Variants in BACE1 observed in about 807,000 individuals in gnomAD.
BACE1 encodes APP beta-secretase.
BACE1 carries 21 observed loss-of-function variants against 54.0 expected under a neutral mutation model. That is an observed-to-expected ratio of 0.39 (90% CI 0.28 to 0.56). The LOEUF (loss-of-function observed/expected upper bound fraction) is 0.56. Ranked by LOEUF, BACE1 falls within the 20% of genes least tolerant of loss-of-function variation. The probability of loss-of-function intolerance (pLI) is 0.63; values close to 1 mark genes in which losing one functional copy is unlikely to be tolerated. For missense variants in BACE1, 511 were observed against 661.2 expected (o/e 0.77, Z 2.49); for synonymous variants, 232 against 260.9 (o/e 0.89, Z 1.07).
At chr11:117,313,229 C>T (rs76462621) in intron 1 of BACE1, among the ~76,000 whole-genome samples, 1 of 152,160 alleles carries the variant, frequency 6.6e-6, no homozygotes, top group African/African-American at 2.4e-5. Context: ...TAGTGCAAGC[C>T]ACACAGTTGC....
chr11:117,304,510 C>T (rs1312873919), intron 1 of BACE1, among the ~76,000 whole-genome samples: 1 of 152,230 alleles, frequency 6.6e-6, no homozygotes, highest in African/African-American at 2.4e-5. Flanking sequence ...AGGCACCAAC[C>T]ATAGGTCAAC....
rs1382937294 is a variant in BACE1, at chr11:117,315,994, G to A, written c.-199C>T. The A allele has an allele frequency of 2.2e-6, 1 of 454,632 alleles. No homozygotes were observed. The highest frequency in any genetic ancestry group is 3.6e-6 in the Non-Finnish European group (1 of 274,408). The allele number at this position is 454,632 out of a possible 1,614,324, so 28.2% of individuals were successfully genotyped here. ...CGGTCAGGGGAGATCCGCAGAGCACGGGAGCAGGGGAGAGGCTGGGATCCG... is the reference window on the plus strand; with the variant it reads ...CGGTCAGGGGAGATCCGCAGAGCACAGGAGCAGGGGAGAGGCTGGGATCCG... On this transcript the variant is annotated 5_prime_UTR_variant, in exon 1 of 9. Coordinates refer to ENST00000313005, the MANE Select transcript of BACE1 (RefSeq NM_012104.6). This position sits in a 1 kb window ranked among gnomAD's most constrained non-coding sequence, Gnocchi z 5.5.
intron 5 of BACE1, 57 bp from the exon 6 acceptor site, chr11:117,291,870 G>T: frequency 3.0e-6 from 4 of 1,341,718 alleles, no homozygotes; most frequent in South Asian, 1.2e-5. Context: ...CTGGGCTCTG[G>T]GCAGTAGGGG....
intron 1 of BACE1, among the ~76,000 whole-genome samples, chr11:117,313,118 G>A (rs1015716432): frequency 2.0e-5 from 3 of 152,170 alleles, no homozygotes; most frequent in East Asian, 1.9e-4. Context: ...CAACAGCCGC[G>A]CCAGGTAGGA....
At chr11:117,314,929 C>G (rs935943317) in intron 1 of BACE1, among the ~76,000 whole-genome samples, 1 of 151,738 alleles carries the variant, frequency 6.6e-6, no homozygotes, top group Admixed American at 6.6e-5. Context: ...GGAGTGTAGA[C>G]CGCGAGAGGG....
chr11:117,313,318 C>T (rs150389060), intron 1 of BACE1, among the ~76,000 whole-genome samples: 3 of 152,266 alleles, frequency 2.0e-5, no homozygotes, highest in East Asian at 3.9e-4. Flanking sequence ...TAGAAAGGAA[C>T]GAGGAAGGAA....
At chr11:117,301,362 G>A (rs1344159277) in intron 1 of BACE1, among the ~76,000 whole-genome samples, 5 of 152,174 alleles carry the variant, frequency 3.3e-5, no homozygotes, top group South Asian at 2.1e-4. Context: ...AGGCCAAGGC[G>A]AGAGGATCAC....
In BACE1 at chr11:117,295,260, T is replaced by C. The variant is rs2034568758; in HGVS notation, c.438A>G (p.Val146=). Reference sequence around the variant, plus strand: ...TGACGTTGGGGCCATGGGGGATGCTTACCAGGTCGGTGCCCAGCTCCCCTT... The same window carrying C: ...TGACGTTGGGGCCATGGGGGATGCTCACCAGGTCGGTGCCCAGCTCCCCTT... ...KWEGELGTDL[V]SIPHGPNVTV... is the part of the protein sequence containing the mutation. Residue 146 remains valine (V), a synonymous_variant, in exon 3 of 9, where the codon GTA becomes GTG. Coordinates refer to ENST00000313005, the MANE Select transcript of BACE1 (RefSeq NM_012104.6). 1 of 1,614,186 alleles carries C rather than the reference T, an allele frequency of 6.2e-7. No homozygotes were observed. Among genetic ancestry groups the C allele is most frequent in the Non-Finnish European group, 8.5e-7 (1 of 1,180,028 alleles).
At chr11:117,314,432 GTC>G (rs1011558133) in intron 1 of BACE1, 4 of 152,310 alleles carry the variant, frequency 2.6e-5, no homozygotes, top group African/African-American at 9.7e-5. Flanking sequence ...AGATCCAGCT[GTC>G]TGAGAAGTTC....
intron 2 of BACE1, chr11:117,295,696 C>T (rs899745235): frequency 3.6e-5 from 54 of 1,486,944 alleles, no homozygotes; most frequent in Non-Finnish European, 4.6e-5. Context: ...CCTCTGGCTC[C>T]GTCAAGCTCC....
intron 1 of BACE1, among the ~76,000 whole-genome samples, chr11:117,300,367 AAGT>A (rs1363363406): frequency 4.6e-5 from 7 of 152,024 alleles, no homozygotes; most frequent in Admixed American, 1.3e-4. Context: ...CGCCCGAGAG[AAGT>A]AATTCTGGTC....
intron 1 of BACE1, among the ~76,000 whole-genome samples, chr11:117,311,150 G>A (rs1022371817): frequency 6.6e-6 from 1 of 152,070 alleles, no homozygotes; most frequent in Admixed American, 6.6e-5. Context: ...GAGCCCAGAA[G>A]TTGGAGACCA....
chr11:117,297,291 TTGA>T (rs1294549180), intron 1 of BACE1: 1 of 266,920 alleles, frequency 3.7e-6, no homozygotes, highest in Non-Finnish European at 7.0e-6. Flanking sequence ...AGCCAGATGG[TTGA>T]TGATTTTATA....
At chr11:117,299,670 C>T (rs753194777) in intron 1 of BACE1, 12 of 407,404 alleles carry the variant, frequency 2.9e-5, no homozygotes, top group Admixed American at 1.7e-4. Flanking sequence ...TCTCTCTCCC[C>T]GGTCTCTGGG....
At position 117,290,497 on chromosome 11, in the gene BACE1, C is replaced by T. The variant is rs930570652; in HGVS notation, c.1255G>A (p.Ala419Thr). 3.4e-5 allele frequency: 55 copies of T among 1,613,906 alleles called. No homozygotes were observed. The highest frequency in any genetic ancestry group is 5.5e-5 in the South Asian group (5 of 91,058). Residue 419 changes from alanine (A) to threonine (T), a missense_variant, in exon 8 of 9, where the codon GCT (alanine) becomes ACT (threonine). Transcript: ENST00000313005. ...GCCCTGGCACTCTCACCATGGCAAG[C>T]GCTGACAGCAAAGCCAATTCGTTTT... The part of the protein sequence containing the change: ...ARKRIGFAVS[A>T]CHVHDEFRTA...
At chr11:117,291,131 G>A in intron 6 of BACE1, 82 bp from the exon 7 acceptor site, 2 of 1,512,844 alleles carry the variant, frequency 1.3e-6, no homozygotes, top group Non-Finnish European at 1.8e-6. Context: ...CATTAACTGG[G>A]CCCTTCATTT....
intron 1 of BACE1, among the ~76,000 whole-genome samples, chr11:117,305,218 T>G (rs522843): frequency 6.6e-6 from 1 of 151,940 alleles, no homozygotes; most frequent in Non-Finnish European, 1.5e-5. Context: ...GTGAGTCAGC[T>G]TCATCTGCTT....
At chr11:117,314,810 A>G (rs1432682095) in intron 1 of BACE1, 1 of 152,494 alleles carries the variant, frequency 6.6e-6, no homozygotes, top group Non-Finnish European at 1.5e-5. Flanking sequence ...CCATGGAAGG[A>G]GTCCCACTCT....
chr11:117,308,906 C>T (rs534513780), intron 1 of BACE1, among the ~76,000 whole-genome samples: 145 of 152,146 alleles, frequency 9.5e-4, no homozygotes, highest in South Asian at 9.1e-3. Flanking sequence ...GAGCTGAGAT[C>T]GCGCCACTGC....
Sources: allele counts gnomAD v4.1 joint callset (sites outside exome capture counted in the v4.1 genomes callset), GRCh38; gene constraint gnomAD v4.1.1; non-coding constraint Gnocchi (gnomAD v3.1); transcripts MANE v1.5; gene names NCBI Gene and HGNC (gene_info 2026-07-23, HGNC 2026-07-21).